ADGRV1: variants seen among roughly 807,000 people sequenced by gnomAD.
ADGRV1 encodes G-protein coupled receptor 98.
A neutral mutation model predicts 596.2 loss-of-function variants in ADGRV1; 359 were observed. The observed-to-expected ratio is 0.60, with a 90% confidence interval of 0.55 to 0.66. The LOEUF (loss-of-function observed/expected upper bound fraction) is 0.66. Among genes scored for constraint, ADGRV1 ranks in the 30% least tolerant of loss-of-function variants. The pLI is 0.00. For synonymous variants in ADGRV1, 2,681 were observed against 2,679.2 expected, an observed-to-expected ratio of 1.00 and a Z score of -0.02; for missense variants, 7,274 against 7,575.6, an observed-to-expected ratio of 0.96 and a Z score of 1.48.
rs549491915 is a variant in ADGRV1 at position 91,152,274 on chromosome 5, T to C, written c.18625-947T>C. 2.0e-5 allele frequency among the ~76,000 whole-genome samples: 3 copies of C among 152,340 alleles called. No individual in the cohort carries two copies. The South Asian group carries it at 6.2e-4, about 32-fold the overall frequency. On this transcript the variant is annotated intron_variant, in intron 88 of 89. Transcript: ENST00000405460. ...GTAACCTAGAGGGATGTAAATACATTTAATCATTCCAGGATAGAGCTATCT... is the reference window on the plus strand; with the variant it reads ...GTAACCTAGAGGGATGTAAATACATCTAATCATTCCAGGATAGAGCTATCT...
intron 1 of ADGRV1, among the ~76,000 whole-genome samples, chr5:90,579,727 T>C (rs193004043): frequency 1.3e-5 from 2 of 152,120 alleles, no homozygotes; most frequent in Admixed American, 6.6e-5. Flanking sequence ...CCCATTATTA[T>C]TGTGTGGGAG....
intron 85 of ADGRV1, among the ~76,000 whole-genome samples, chr5:91,060,940 T>C (rs1266551917): frequency 6.6e-6 from 1 of 152,218 alleles, no homozygotes; most frequent in African/African-American, 2.4e-5. Flanking sequence ...ATCAAACCAT[T>C]GCTGTGAGGA....
rs12109166 is a variant in ADGRV1 at position 90,843,569 on chromosome 5, A to T, written c.17019+2584A>T. Among the ~76,000 whole-genome samples the T allele has an allele frequency of 8.0e-3, 1,213 of 152,314 alleles. 15 individuals are homozygous for T. The highest frequency in any genetic ancestry group is 0.028 in the African/African-American group (1,159 of 41,562). ...ACCATGAAAGTAGCAGAAAACGTGG[A>T]TCAGTCATTTCATCGTTTTAGTTTA... On this transcript the variant is annotated intron_variant, in intron 78 of 89. Coordinates refer to ENST00000405460, the MANE Select transcript of ADGRV1 (RefSeq NM_032119.4).
intron 83 of ADGRV1, among the ~76,000 whole-genome samples, chr5:90,926,186 G>A (rs1193889258): frequency 6.6e-6 from 1 of 151,610 alleles, no homozygotes; most frequent in Non-Finnish European, 1.5e-5. Context: ...TGTATTGATT[G>A]GAATAGTTTC....
intron 21 of ADGRV1, among the ~76,000 whole-genome samples, chr5:90,667,910 G>A (rs1283298958): frequency 2.0e-5 from 3 of 152,046 alleles, no homozygotes; most frequent in African/African-American, 7.3e-5. Context: ...GTGCCTCCCA[G>A]TTAGGCTGCT....
intron 1 of ADGRV1, among the ~76,000 whole-genome samples, chr5:90,587,902 T>C (rs905873438): frequency 6.6e-6 from 1 of 151,538 alleles, no homozygotes; most frequent in Admixed American, 6.6e-5. Flanking sequence ...TCCTACAAAA[T>C]GTATAGTTTC....
intron 85 of ADGRV1, among the ~76,000 whole-genome samples, chr5:91,064,953 A>G (rs1787761061): frequency 6.6e-6 from 1 of 152,232 alleles, no homozygotes; most frequent in African/African-American, 2.4e-5. Context: ...TTATCTTTGG[A>G]AAGAATGTAA....
chr5:90,873,345 G>A (rs1015630983), intron 83 of ADGRV1, among the ~76,000 whole-genome samples: 4 of 152,132 alleles, frequency 2.6e-5, no homozygotes, highest in Non-Finnish European at 5.9e-5. Flanking sequence ...TTGTAAGGGC[G>A]AATGTTATTG....
At position 90,809,293 on chromosome 5, in the gene ADGRV1, T is replaced by TACACACACTCACAC. The variant is rs1762216513; in HGVS notation, c.14973-932_14973-931insTCACACACACACAC. Reference sequence around the variant, plus strand: ...GTGCTTACTCTAGGCCGGGCATAAATACACACACACACACACACACACACA... The same window carrying TACACACACTCACAC: ...GTGCTTACTCTAGGCCGGGCATAAATACACACACTCACACACACACACACACACACACACACACA... On this transcript the variant is annotated intron_variant, in intron 73 of 89. Transcript: ENST00000405460. 1.0e-4 allele frequency among the ~76,000 whole-genome samples: 14 copies of TACACACACTCACAC among 134,624 alleles called. No individual in the cohort carries two copies. In the South Asian group the frequency reaches 3.6e-3, roughly 34 times the overall value. 88.3% of individuals were successfully genotyped at this position (134,624 alleles called of 152,430 possible).
intron 83 of ADGRV1, among the ~76,000 whole-genome samples, chr5:90,882,493 A>G (rs1466174853): frequency 1.3e-5 from 2 of 152,158 alleles, no homozygotes; most frequent in African/African-American, 4.8e-5. Flanking sequence ...TTTTCTCACT[A>G]CACAGATGCC....
At chr5:91,105,957 A>G (rs1350734496) in intron 87 of ADGRV1, among the ~76,000 whole-genome samples, 1 of 150,836 alleles carries the variant, frequency 6.6e-6, no homozygotes, top group Non-Finnish European at 1.5e-5. Context: ...TTTTATTTAT[A>G]TTTAATAGCC....
intron 89 of ADGRV1, among the ~76,000 whole-genome samples, chr5:91,159,971 T>C (rs1210858029): frequency 6.6e-6 from 1 of 152,192 alleles, no homozygotes; most frequent in Non-Finnish European, 1.5e-5. Flanking sequence ...TTGGAACATA[T>C]TGGGCTTAGA....
intron 60 of ADGRV1, among the ~76,000 whole-genome samples, chr5:90,775,522 G>C (rs1758132412): frequency 6.6e-6 from 1 of 152,164 alleles, no homozygotes; most frequent in Non-Finnish European, 1.5e-5. Context: ...TGTCACCCAG[G>C]CTGCAGTGCA....
rs544487366 is a variant in ADGRV1 at position 90,604,777 on chromosome 5, A to G, written c.23-10058A>G. ...AGAGTTATCTTACTACTTGACAGAG[A>G]CACTGTCACATACTCAGATTTATAA... On this transcript the variant is annotated intron_variant, in intron 1 of 89. Transcript: ENST00000405460. Among the ~76,000 whole-genome samples, 4 of 152,316 alleles carry G rather than the reference A, an allele frequency of 2.6e-5. No homozygotes were observed. The South Asian group carries it at 8.3e-4, about 32-fold the overall frequency.
chr5:90,928,719 A>C (rs565210587), intron 83 of ADGRV1, among the ~76,000 whole-genome samples: 245 of 150,754 alleles, frequency 1.6e-3, no homozygotes, highest in Non-Finnish European at 3.2e-3. Context: ...TGCTTTTTAG[A>C]GTTTCCCGTT....
intron 1 of ADGRV1, among the ~76,000 whole-genome samples, chr5:90,565,032 T>G (rs139119716): frequency 6.6e-6 from 1 of 152,004 alleles, no homozygotes; most frequent in Non-Finnish European, 1.5e-5. Context: ...GTCAGGAGTT[T>G]GAGACCAGCC....
chr5:90,863,673 A>T (rs1767816051), intron 82 of ADGRV1, 84 bp from the exon 83 acceptor site: 1 of 987,550 alleles, frequency 1.0e-6, no homozygotes, highest in Non-Finnish European at 1.6e-6. Flanking sequence ...TGACATGCCT[A>T]GCTGCCCCCA....
intron 1 of ADGRV1, among the ~76,000 whole-genome samples, chr5:90,587,597 T>C (rs1462062821): frequency 4.1e-5 from 6 of 147,290 alleles, no homozygotes; most frequent in East Asian, 2.0e-4. Flanking sequence ...TGCCCTGTCA[T>C]CCAGGCTGGA....
chr5:90,744,784 T>A, intron 50 of ADGRV1, among the ~76,000 whole-genome samples: 1 of 152,218 alleles, frequency 6.6e-6, no homozygotes, highest in East Asian at 1.9e-4. Flanking sequence ...GAGTTTAAAA[T>A]TAGTTTCGGT....
Sources: allele counts gnomAD v4.1 joint callset (sites outside exome capture counted in the v4.1 genomes callset), GRCh38; gene constraint gnomAD v4.1.1; transcripts MANE v1.5; gene names NCBI Gene and HGNC (gene_info 2026-07-23, HGNC 2026-07-21).